Variants in NTM observed in about 807,000 individuals in gnomAD.
NTM encodes the protein neurotrimin, also known as IgLON family member 2.
In NTM, 13 loss-of-function variants were observed where a neutral mutation model predicts 42.1. The observed-to-expected ratio is 0.31, with a 90% CI of 0.20 to 0.49. The LOEUF is 0.49. Ranked by LOEUF, NTM falls within the 20% of genes least tolerant of loss-of-function variation. The pLI, the probability that NTM is intolerant of heterozygous loss-of-function variation, is 0.99. For synonymous variants in NTM, 187 were observed against 179.2 expected (o/e 1.04, Z -0.35); for missense variants, 373 against 452.8 (o/e 0.82, Z 1.60).
chr11:131,827,415 A>C (rs1040467115), intron 1 of NTM, among the ~76,000 whole-genome samples: 2 of 152,180 alleles, frequency 1.3e-5, no homozygotes, highest in African/African-American at 4.8e-5. Flanking sequence ...AGTGGGTGAC[A>C]AGGAGTGGCT....
intron 1 of NTM, chr11:131,538,943 A>ATTTTTTTTTTTTTTTTTTTT (rs1189734867): frequency 5.5e-5 from 4 of 72,374 alleles, no homozygotes; most frequent in Non-Finnish European, 5.3e-5. Flanking sequence ...TTTTTTTTTA[A>ATTTTTTTTTTTTTTTTTTTT]TTTTTTTGAG....
At chr11:131,816,551 A>G (rs1361324582) in intron 1 of NTM, among the ~76,000 whole-genome samples, 2 of 150,360 alleles carry the variant, frequency 1.3e-5, no homozygotes, top group Non-Finnish European at 2.9e-5. Context: ...AAGCAAGAAA[A>G]AAAAAAAAAG....
chr11:132,267,359 A>C (rs190667452), intron 4 of NTM, among the ~76,000 whole-genome samples: 104 of 152,260 alleles, frequency 6.8e-4, no homozygotes, highest in Non-Finnish European at 1.3e-4. Context: ...CTCACTCTTT[A>C]GTTACATGAC....
chr11:131,510,971 C>G (rs1020668732), intron 1 of NTM, among the ~76,000 whole-genome samples: 1 of 152,222 alleles, frequency 6.6e-6, no homozygotes, highest in African/African-American at 2.4e-5. Context: ...CATACTGTGT[C>G]CTAACCTTGG....
chr11:132,317,236 C>T (rs1015160501), intron 7 of NTM, among the ~76,000 whole-genome samples: 3 of 152,188 alleles, frequency 2.0e-5, no homozygotes, highest in Non-Finnish European at 2.9e-5. Context: ...TCGTTCGTTC[C>T]TACCGTGGTG....
At chr11:132,160,953 T>G (rs1168218520) in intron 3 of NTM, among the ~76,000 whole-genome samples, 1 of 152,120 alleles carries the variant, frequency 6.6e-6, no homozygotes, top group African/African-American at 2.4e-5. Context: ...GCCCTGCCGG[T>G]GACTTCGGGA....
At chr11:132,242,218 T>G (rs2090331358) in intron 4 of NTM, among the ~76,000 whole-genome samples, 1 of 152,214 alleles carries the variant, frequency 6.6e-6, no homozygotes, top group Admixed American at 6.5e-5. Flanking sequence ...TCAAGCTGTC[T>G]TGATTTGCAT....
chr11:131,697,151 A>G (rs1364137403), intron 1 of NTM, among the ~76,000 whole-genome samples: 1 of 152,220 alleles, frequency 6.6e-6, no homozygotes. Context: ...TTTCAAGATA[A>G]GGACACAAGG....
chr11:132,128,221 A>G (rs2066179740), intron 2 of NTM, among the ~76,000 whole-genome samples: 1 of 141,000 alleles, frequency 7.1e-6, no homozygotes. Flanking sequence ...ATCCAATTAA[A>G]GTTGTTCTGT....
At chr11:132,038,379 A>T (rs929536644) in intron 2 of NTM, among the ~76,000 whole-genome samples, 2 of 152,164 alleles carry the variant, frequency 1.3e-5, no homozygotes, top group Admixed American at 6.5e-5. Context: ...CACGGGTGTG[A>T]TTGAGGACAG....
intron 7 of NTM, 62 bp from the exon 8 acceptor site, chr11:132,330,091 G>A: frequency 6.5e-7 from 1 of 1,546,654 alleles, no homozygotes; most frequent in Non-Finnish European, 8.7e-7. Context: ...TCATCTGAGG[G>A]CAAAGTGAGC....
At chr11:131,659,771 G>T (rs978182374) in intron 1 of NTM, among the ~76,000 whole-genome samples, 5 of 152,156 alleles carry the variant, frequency 3.3e-5, no homozygotes, top group African/African-American at 1.2e-4. Context: ...CTCTTTGGGG[G>T]ATGCAGCAAC....
rs151060931 is a variant in NTM, at chr11:131,621,596, T to C, written c.82+250708T>C. On this transcript the variant is annotated intron_variant, in intron 1 of 8. Coordinates refer to ENST00000683400, the MANE Select transcript of NTM (RefSeq NM_001352005.2). ...AGGAGAATTGCTTGAGTCCAGGAGT[T>C]CAAGACCAGGCTGGGCAACATAGTA... Among the ~76,000 whole-genome samples, 22 of 136,198 alleles carry C rather than the reference T, an allele frequency of 1.6e-4. 1 individual carries two copies. The highest frequency in any genetic ancestry group is 5.1e-4 in the Admixed American group (6 of 11,874). 89.4% of individuals were successfully genotyped at this position (136,198 alleles called of 152,430 possible).
At chr11:132,325,706 A>G (rs1209155576) in intron 7 of NTM, among the ~76,000 whole-genome samples, 3 of 152,226 alleles carry the variant, frequency 2.0e-5, no homozygotes, top group Non-Finnish European at 4.4e-5. Flanking sequence ...TGCTATAAAG[A>G]CACACGCACA....
rs1275761157 is a variant in NTM at position 131,948,365 on chromosome 11, AAAAAAAAC to A, written c.167+36741_167+36748del. The stretch of plus-strand genomic sequence containing the variant: ...GGGTGACACAGTGAGACTCCATCTC[AAAAAAAAC>A]AAAAAAACAAAAAAACAAAAAAAAG... On this transcript the variant is annotated intron_variant, in intron 2 of 8. Coordinates refer to ENST00000683400, the MANE Select transcript of NTM (RefSeq NM_001352005.2). 1.8e-3 allele frequency among the ~76,000 whole-genome samples: 131 copies of A among 72,858 alleles called. 1 individual carries two copies. The highest frequency in any genetic ancestry group is 6.2e-3 in the African/African-American group (116 of 18,598). The allele number at this position is 72,858 out of a possible 152,430, so 47.8% of individuals were successfully genotyped here.
At chr11:131,798,562 C>G (rs1037740275) in intron 1 of NTM, among the ~76,000 whole-genome samples, 2 of 152,184 alleles carry the variant, frequency 1.3e-5, no homozygotes, top group Admixed American at 1.3e-4. Flanking sequence ...ATGGTTGGTG[C>G]TGATTTTAAG....
chr11:131,823,105 A>G (rs1444416934), intron 1 of NTM, among the ~76,000 whole-genome samples: 1 of 152,160 alleles, frequency 6.6e-6, no homozygotes, highest in African/African-American at 2.4e-5. Flanking sequence ...AAGCACGTCT[A>G]CGTTAGTGTT....
chr11:132,332,705 C>T (rs561221453), intron 8 of NTM: 3 of 152,208 alleles, frequency 2.0e-5, no homozygotes, highest in African/African-American at 7.2e-5. Context: ...CGCTCTCAGT[C>T]GTCTCCCGAG....
intron 1 of NTM, among the ~76,000 whole-genome samples, chr11:131,689,608 G>A (rs1267847402): frequency 1.3e-5 from 2 of 152,214 alleles, no homozygotes; most frequent in African/African-American, 2.4e-5. Flanking sequence ...GAGGACAGGT[G>A]GAGGTGAAGT....
Sources: gnomAD v4.1 joint callset for allele counts (sites outside exome capture counted in the v4.1 genomes callset) on GRCh38, gnomAD v4.1.1 for gene constraint, MANE v1.5 for transcripts, NCBI Gene and HGNC (gene_info 2026-07-23, HGNC 2026-07-21) for gene names.